CRTAC1: variants seen among roughly 807,000 people sequenced by gnomAD.
The protein encoded by CRTAC1 is acidic secreted protein in cartilage.
Under a neutral mutation model 67.8 loss-of-function variants are expected in CRTAC1, and 37 were observed. That is an observed-to-expected ratio of 0.55 (90% confidence interval 0.42 to 0.72). The LOEUF is 0.72. Ranked by LOEUF, CRTAC1 falls within the 30% of genes least tolerant of loss-of-function variation. The pLI, the probability that CRTAC1 is intolerant of heterozygous loss-of-function variation, is 0.00. For synonymous variants in CRTAC1, 348 were observed against 371.0 expected (o/e 0.94, Z 0.71); for missense variants, 780 against 931.6 (o/e 0.84, Z 2.12).
chr10:97,940,935 A>G (rs2051164045), intron 2 of CRTAC1, among the ~76,000 whole-genome samples: 1 of 152,148 alleles, frequency 6.6e-6, no homozygotes, highest in African/African-American at 2.4e-5. Flanking sequence ...ACACTCCAGC[A>G]TTTCCTGTCC....
intron 11 of CRTAC1, among the ~76,000 whole-genome samples, chr10:97,889,558 G>A (rs140087968): frequency 7.2e-5 from 11 of 151,972 alleles, no homozygotes; most frequent in African/African-American, 2.4e-4. Flanking sequence ...TGGGAACCCC[G>A]CATGCACTCA....
At chr10:97,928,700 C>A (rs1421602643) in intron 3 of CRTAC1, among the ~76,000 whole-genome samples, 1 of 152,062 alleles carries the variant, frequency 6.6e-6, no homozygotes, top group Non-Finnish European at 1.5e-5. Context: ...AGGGAGGAGG[C>A]AACTGAACTG....
intron 5 of CRTAC1, among the ~76,000 whole-genome samples, chr10:97,911,977 C>T (rs1026010149): frequency 6.6e-6 from 1 of 152,182 alleles, no homozygotes; most frequent in African/African-American, 2.4e-5. Flanking sequence ...TCTCTCGGAG[C>T]TGGAGAGGCA....
chr10:98,003,493 C>T (rs576210880), intron 2 of CRTAC1, among the ~76,000 whole-genome samples: 3 of 152,326 alleles, frequency 2.0e-5, no homozygotes, highest in Non-Finnish European at 2.9e-5. Context: ...CCTCTCCCTC[C>T]GTCTTCAAAG....
At chr10:97,925,114 C>G (rs935252010) in intron 3 of CRTAC1, among the ~76,000 whole-genome samples, 1 of 152,056 alleles carries the variant, frequency 6.6e-6, no homozygotes, top group African/African-American at 2.4e-5. Flanking sequence ...AACCCTCCCC[C>G]TCAAAAATTA....
chr10:97,885,998 T>C (rs1158905257), intron 11 of CRTAC1, among the ~76,000 whole-genome samples: 1 of 152,236 alleles, frequency 6.6e-6, no homozygotes, highest in Non-Finnish European at 1.5e-5. Context: ...ATAGCTACTA[T>C]GGGGTGGACG....
In CRTAC1 at chr10:97,975,097, G is replaced by A. The variant is rs1252396683; in HGVS notation, c.224+36041C>T. Among the ~76,000 whole-genome samples the A allele has an allele frequency of 6.6e-6, 1 of 152,162 alleles. No homozygotes were observed. The highest frequency in any genetic ancestry group is 2.4e-5 in the African/African-American group (1 of 41,446). Reference sequence around the variant, plus strand: ...GTGGAGGGCCGGCCCGGGAGGAGCGGCGGAGGGGCCGGAGCCTACAGTTAA... The same window carrying A: ...GTGGAGGGCCGGCCCGGGAGGAGCGACGGAGGGGCCGGAGCCTACAGTTAA... On this transcript the variant is annotated intron_variant, in intron 2 of 14. Transcript: ENST00000370597. This position sits in a 1 kb window ranked among gnomAD's most constrained non-coding sequence, Gnocchi z 4.8.
chr10:97,879,307 T>G (rs2050181546), intron 14 of CRTAC1, among the ~76,000 whole-genome samples: 1 of 152,048 alleles, frequency 6.6e-6, no homozygotes, highest in Non-Finnish European at 1.5e-5. Flanking sequence ...AGGCACATGG[T>G]ACATTATCGG....
chr10:98,016,652 CT>C (rs1843004682), intron 1 of CRTAC1, among the ~76,000 whole-genome samples: 1 of 152,150 alleles, frequency 6.6e-6, no homozygotes, highest in Admixed American at 6.5e-5. Flanking sequence ...TACCCAGTTT[CT>C]GATTGAACTG....
At chr10:98,019,515 A>G (rs1305923169) in intron 1 of CRTAC1, among the ~76,000 whole-genome samples, 4 of 152,162 alleles carry the variant, frequency 2.6e-5, no homozygotes, top group Admixed American at 6.6e-5. Flanking sequence ...CAGCCCCCAC[A>G]ATTATTCAGC....
intron 2 of CRTAC1, among the ~76,000 whole-genome samples, chr10:97,953,012 A>G (rs1173378908): frequency 6.6e-6 from 1 of 152,114 alleles, no homozygotes; most frequent in African/African-American, 2.4e-5. Context: ...GGAACCATTC[A>G]TTCTCTTGAG....
intron 2 of CRTAC1, among the ~76,000 whole-genome samples, chr10:97,950,246 C>CAG (rs71007371): frequency 0.072 from 8,171 of 113,220 alleles, 417 homozygotes; most frequent in East Asian, 0.21. Flanking sequence ...CACACACACA[C>CAG]AGAGAGAGAG....
At chr10:98,000,019 G>A (rs1294932313) in intron 2 of CRTAC1, among the ~76,000 whole-genome samples, 2 of 152,126 alleles carry the variant, frequency 1.3e-5, no homozygotes, top group Admixed American at 6.5e-5. Context: ...CTGAACACTC[G>A]ACAGGACACC....
intron 3 of CRTAC1, among the ~76,000 whole-genome samples, chr10:97,930,775 C>T (rs529051238): frequency 1.1e-4 from 17 of 152,182 alleles, no homozygotes; most frequent in African/African-American, 2.2e-4. Context: ...TGGTGACTGA[C>T]GCTCCCTCTC....
intron 2 of CRTAC1, among the ~76,000 whole-genome samples, chr10:97,976,701 T>G (rs1423619403): frequency 6.6e-6 from 1 of 152,248 alleles, no homozygotes; most frequent in Non-Finnish European, 1.5e-5. Context: ...AGTTAGAATT[T>G]ATCCTCTCCT....
intron 1 of CRTAC1, among the ~76,000 whole-genome samples, chr10:98,028,855 G>A (rs975303223): frequency 6.6e-6 from 1 of 152,134 alleles, no homozygotes; most frequent in African/African-American, 2.4e-5. Flanking sequence ...CCTACATTCA[G>A]GGATGGGATA....
chr10:98,003,233 C>T (rs1187694975), intron 2 of CRTAC1, among the ~76,000 whole-genome samples: 1 of 152,178 alleles, frequency 6.6e-6, no homozygotes, highest in Non-Finnish European at 1.5e-5. Context: ...AAAAATGACA[C>T]CAAGCATTCA....
At chr10:98,022,462 T>C (rs1259471457) in intron 1 of CRTAC1, among the ~76,000 whole-genome samples, 1 of 151,292 alleles carries the variant, frequency 6.6e-6, no homozygotes, top group African/African-American at 2.4e-5. Flanking sequence ...AGGGACGTGG[T>C]GGGAAGGGCA....
At chr10:97,990,832 A>G (rs544051097) in intron 2 of CRTAC1, among the ~76,000 whole-genome samples, 1 of 152,194 alleles carries the variant, frequency 6.6e-6, no homozygotes, top group African/African-American at 2.4e-5. Context: ...CCTAGGTGAG[A>G]CATTGATTCA....
Sources: gnomAD v4.1 joint callset for allele counts (sites outside exome capture counted in the v4.1 genomes callset) on GRCh38, gnomAD v4.1.1 for gene constraint, Gnocchi (gnomAD v3.1) non-coding constraint, MANE v1.5 for transcripts, NCBI Gene and HGNC (gene_info 2026-07-23, HGNC 2026-07-21) for gene names.